The following LRRC7 variants were observed in gnomAD, a reference collection of about 807,000 sequenced individuals.
LRRC7 encodes the protein leucine-rich repeat-containing protein 7.
In LRRC7, 23 loss-of-function variants were observed where a neutral mutation model predicts 175.7. That is an observed-to-expected ratio of 0.13 (90% CI 0.09 to 0.19). The LOEUF (loss-of-function observed/expected upper bound fraction) is 0.19. Ranked by LOEUF, LRRC7 falls within the 10% of genes least tolerant of loss-of-function variation. The pLI is 1.00. For missense variants in LRRC7, 1,354 were observed against 1,904.7 expected (o/e 0.71, Z 5.38); for synonymous variants, 685 against 680.9 (o/e 1.01, Z -0.09).
chr1:70,023,360 C>T lies in LRRC7; in HGVS notation c.1780C>T (p.Leu594=), dbSNP rs746175015. Residue 594 remains leucine (L), a synonymous_variant, in exon 17 of 27, where the codon CTA becomes TTA. Coordinates refer to ENST00000651989, the MANE Select transcript of LRRC7 (RefSeq NM_001370785.2). The part of the protein sequence containing the change: ...VAAQSTTLPS[L]SGRQVEINLK... ...AGCACAATCCACCACTCTTCCCTCT[C>T]TAAGTGGCAGACAGGTAGGCCTAGG... 3.1e-6 allele frequency: 5 copies of T among 1,596,264 alleles called. No individual in the cohort carries two copies. The highest frequency in any genetic ancestry group is 1.7e-5 in the Admixed American group (1 of 59,182).
At chr1:70,062,352 G>A (rs968207383) in intron 23 of LRRC7, among the ~76,000 whole-genome samples, 1 of 152,012 alleles carries the variant, frequency 6.6e-6, no homozygotes, top group Non-Finnish European at 1.5e-5. Flanking sequence ...CTCCTTTTAC[G>A]TAACTTTGCC....
chr1:70,120,247 C>T (rs939410608), intron 26 of LRRC7, among the ~76,000 whole-genome samples: 1 of 152,110 alleles, frequency 6.6e-6, no homozygotes, highest in Non-Finnish European at 1.5e-5. Flanking sequence ...GACACTGAAA[C>T]AGCCAATGCC....
At chr1:70,017,619 G>A (rs1385642867) in intron 14 of LRRC7, among the ~76,000 whole-genome samples, 2 of 152,100 alleles carry the variant, frequency 1.3e-5, no homozygotes, top group African/African-American at 4.8e-5. Context: ...AGCATTACTG[G>A]TACGTGAATT....
intron 8 of LRRC7, among the ~76,000 whole-genome samples, chr1:69,940,181 T>C (rs1648564631): frequency 6.6e-6 from 1 of 152,142 alleles, no homozygotes; most frequent in Non-Finnish European, 1.5e-5. Context: ...GAGGATCAAA[T>C]TGGGGTCTCC....
intron 1 of LRRC7, among the ~76,000 whole-genome samples, chr1:69,657,870 T>C (rs1218656494): frequency 6.6e-6 from 1 of 151,924 alleles, no homozygotes; most frequent in Non-Finnish European, 1.5e-5. Flanking sequence ...TGCTTTTTCA[T>C]AGAACATTTA....
chr1:69,752,725 A>G (rs1257439062), intron 2 of LRRC7, among the ~76,000 whole-genome samples: 1 of 152,172 alleles, frequency 6.6e-6, no homozygotes, highest in East Asian at 1.9e-4. Context: ...AGTTGTAGAA[A>G]AAGAAAAATC....
intron 23 of LRRC7, among the ~76,000 whole-genome samples, chr1:70,074,840 T>G (rs1403837175): frequency 1.3e-5 from 2 of 152,176 alleles, no homozygotes; most frequent in Non-Finnish European, 2.9e-5. Flanking sequence ...CTGTAGTGTT[T>G]TTTATGTTGC....
In LRRC7 at chr1:70,040,159, G is replaced by A. The variant is rs992467139; in HGVS notation, c.3969+366G>A. Among the ~76,000 whole-genome samples, 16 of 152,160 alleles carry A rather than the reference G, an allele frequency of 1.1e-4. 1 individual carries two copies. Among genetic ancestry groups the A allele is most frequent in the Admixed American group, 9.8e-4 (15 of 15,278 alleles). On this transcript the variant is annotated intron_variant, in intron 21 of 26. Coordinates refer to ENST00000651989, the MANE Select transcript of LRRC7 (RefSeq NM_001370785.2). ...TGACCTAAAGAGTATGATTTTTGTTGAACCTATAAAAAGTGGATATTTCCC... is the reference window on the plus strand; with the variant it reads ...TGACCTAAAGAGTATGATTTTTGTTAAACCTATAAAAAGTGGATATTTCCC...
At chr1:70,028,393 T>C in intron 18 of LRRC7, 22 bp downstream of exon 18, 1 of 1,605,440 alleles carries the variant, frequency 6.2e-7, no homozygotes, top group Non-Finnish European at 8.5e-7. Flanking sequence ...TTATTGGTAA[T>C]TGCCAGTGTG....
intron 7 of LRRC7, among the ~76,000 whole-genome samples, chr1:69,892,077 T>G (rs1645852693): frequency 6.6e-6 from 1 of 152,234 alleles, no homozygotes; most frequent in African/African-American, 2.4e-5. Context: ...GTATATTGAA[T>G]ATATACTACT....
intron 25 of LRRC7, among the ~76,000 whole-genome samples, chr1:70,105,065 G>A (rs1201966033): frequency 6.6e-6 from 1 of 152,118 alleles, no homozygotes; most frequent in East Asian, 1.9e-4. Flanking sequence ...AGCAAAGGAG[G>A]GGCTACCAGG....
At chr1:69,624,974 A>G (rs1476044031) in intron 1 of LRRC7, among the ~76,000 whole-genome samples, 1 of 152,106 alleles carries the variant, frequency 6.6e-6, no homozygotes, top group African/African-American at 2.4e-5. Flanking sequence ...AAACTAAGCT[A>G]TACCATCCCC....
At chr1:69,988,172 A>G (rs972526872) in intron 10 of LRRC7, among the ~76,000 whole-genome samples, 1 of 152,218 alleles carries the variant, frequency 6.6e-6, no homozygotes, top group African/African-American at 2.4e-5. Context: ...TAAAAACTCT[A>G]TATATTCAAA....
At chr1:69,649,789 C>A (rs1456795900) in intron 1 of LRRC7, among the ~76,000 whole-genome samples, 1 of 151,668 alleles carries the variant, frequency 6.6e-6, no homozygotes, top group African/African-American at 2.4e-5. Flanking sequence ...TTTGTGCAAG[C>A]AGCTTTAGAC....
chr1:69,652,470 A>G (rs1457861867), intron 1 of LRRC7, among the ~76,000 whole-genome samples: 2 of 152,204 alleles, frequency 1.3e-5, no homozygotes, highest in African/African-American at 4.8e-5. Flanking sequence ...TGAATTGAAG[A>G]GGACCTAAAT....
chr1:69,675,154 A>G (rs1005487713), intron 1 of LRRC7, among the ~76,000 whole-genome samples: 2 of 152,302 alleles, frequency 1.3e-5, no homozygotes, highest in Admixed American at 1.3e-4. Context: ...GCCATGCTAC[A>G]TTGCCAGCAT....
At chr1:69,893,757 C>T (rs930719402) in intron 7 of LRRC7, among the ~76,000 whole-genome samples, 2 of 152,024 alleles carry the variant, frequency 1.3e-5, no homozygotes, top group African/African-American at 4.8e-5. Context: ...AAGGCATATG[C>T]TATTTTAAGA....
rs865787851 is a variant in LRRC7, at chr1:69,906,169, G to C, written c.648-25338G>C. Among the ~76,000 whole-genome samples, 3 of 152,320 alleles carry C rather than the reference G, an allele frequency of 2.0e-5. No individual in the cohort carries two copies. In the Middle Eastern group the frequency reaches 0.01, roughly 518 times the overall value. ...GATTCTGGATATTAGCGCTTTGTCA[G>C]ATGAGTAGGTTGCAAAATTTTTTCT... is the stretch of plus-strand genomic sequence containing the variant. On this transcript the variant is annotated intron_variant, in intron 7 of 26. Coordinates refer to ENST00000651989, the MANE Select transcript of LRRC7 (RefSeq NM_001370785.2).
chr1:69,962,977 CTTAAAATAAAAGTTT>C (rs1464934577), intron 8 of LRRC7, among the ~76,000 whole-genome samples: 3 of 151,884 alleles, frequency 2.0e-5, no homozygotes, highest in African/African-American at 7.3e-5. Context: ...GTACCCCGAA[CTTAAAATAAAAGTTT>C]TTAAAAAAAA....
Sources: gnomAD v4.1 joint callset for allele counts (sites outside exome capture counted in the v4.1 genomes callset) on GRCh38, gnomAD v4.1.1 for gene constraint, MANE v1.5 for transcripts, NCBI Gene and HGNC (gene_info 2026-07-23, HGNC 2026-07-21) for gene names.